NLGN1: variants seen among roughly 807,000 people sequenced by gnomAD.
NLGN1 encodes the protein neuroligin-1.
In NLGN1, 12 loss-of-function variants were observed where a neutral mutation model predicts 65.5. The observed-to-expected ratio is 0.18, with a 90% CI of 0.12 to 0.30. NLGN1 has a LOEUF of 0.30. NLGN1 is among the 10% of genes least tolerant of loss of function. The pLI, the probability that NLGN1 is intolerant of heterozygous loss-of-function variation, is 1.00. For missense variants in NLGN1, 750 were observed against 1,007.1 expected (o/e 0.74, Z 3.46); for synonymous variants, 350 against 359.5 (o/e 0.97, Z 0.30).
chr3:173,897,133 CTGATCCCA>C (rs964805191), intron 4 of NLGN1, among the ~76,000 whole-genome samples: 4 of 152,186 alleles, frequency 2.6e-5, no homozygotes, highest in African/African-American at 7.2e-5. Flanking sequence ...CTCTATTCCA[CTGATCCCA>C]TGATTGTTTA....
intron 3 of NLGN1, among the ~76,000 whole-genome samples, chr3:173,706,709 G>A (rs907044434): frequency 6.6e-6 from 1 of 152,126 alleles, no homozygotes; most frequent in Non-Finnish European, 1.5e-5. Flanking sequence ...TACAGATATC[G>A]ATCTACAGAT....
intron 2 of NLGN1, among the ~76,000 whole-genome samples, chr3:173,539,799 T>TATATAC (rs1553879654): frequency 9.1e-5 from 4 of 43,910 alleles, no homozygotes; most frequent in Non-Finnish European, 1.3e-4. Context: ...CATATATACA[T>TATATAC]ATATATACAT....
intron 3 of NLGN1, among the ~76,000 whole-genome samples, chr3:173,799,028 A>G (rs925120522): frequency 9.2e-5 from 14 of 152,000 alleles, no homozygotes; most frequent in Admixed American, 4.6e-4. Flanking sequence ...ATGTTTAACA[A>G]TCTTTCCCTA....
In NLGN1 at chr3:173,801,168, C is replaced by T. The variant is rs577189776; in HGVS notation, c.494-6512C>T. Among the ~76,000 whole-genome samples the T allele has an allele frequency of 3.9e-5, 6 of 152,026 alleles. No homozygotes were observed. In the South Asian group the frequency reaches 1.2e-3, roughly 32 times the overall value. ...TACTTCATTAATATCCAAATTGTTTCTCCTTACAACTTTCATTTGACATAC... is the reference window on the plus strand; with the variant it reads ...TACTTCATTAATATCCAAATTGTTTTTCCTTACAACTTTCATTTGACATAC... On this transcript the variant is annotated intron_variant, in intron 3 of 6. Coordinates refer to ENST00000457714, the Ensembl canonical transcript of NLGN1.
chr3:174,002,918 G>A (rs928565137), intron 4 of NLGN1, among the ~76,000 whole-genome samples: 6 of 152,180 alleles, frequency 3.9e-5, no homozygotes, highest in African/African-American at 1.4e-4. Context: ...GGATAAAGTC[G>A]TGAGTAGTCC....
At chr3:174,003,852 AT>A in intron 4 of NLGN1, among the ~76,000 whole-genome samples, 1 of 152,286 alleles carries the variant, frequency 6.6e-6, no homozygotes, top group East Asian at 1.9e-4. Context: ...CAAAACTCAG[AT>A]TTCAGAAGTA....
intron 4 of NLGN1, among the ~76,000 whole-genome samples, chr3:174,014,768 T>G (rs1482817120): frequency 6.6e-6 from 1 of 152,180 alleles, no homozygotes; most frequent in Non-Finnish European, 1.5e-5. Flanking sequence ...GACCTTCTGT[T>G]TGCTTATCTG....
At chr3:173,493,051 G>A (rs1168056785) in intron 2 of NLGN1, among the ~76,000 whole-genome samples, 1 of 151,722 alleles carries the variant, frequency 6.6e-6, no homozygotes, top group East Asian at 1.9e-4. Flanking sequence ...AGTGAGAGCT[G>A]CACTTATTGA....
At chr3:173,454,808 T>C (rs1027941296) in intron 2 of NLGN1, among the ~76,000 whole-genome samples, 5 of 152,230 alleles carry the variant, frequency 3.3e-5, no homozygotes, top group Non-Finnish European at 7.3e-5. Flanking sequence ...ACACATTAGT[T>C]TGCTTTTTTA....
At chr3:173,862,377 G>A (rs1729289872) in intron 4 of NLGN1, among the ~76,000 whole-genome samples, 1 of 150,062 alleles carries the variant, frequency 6.7e-6, no homozygotes, top group Admixed American at 6.6e-5. Flanking sequence ...GTAGTGGCGG[G>A]CGCCTGTAGT....
intron 3 of NLGN1, among the ~76,000 whole-genome samples, chr3:173,666,992 CATAAA>C (rs1313357054): frequency 6.6e-6 from 1 of 152,042 alleles, no homozygotes; most frequent in African/African-American, 2.4e-5. Context: ...ACTTCTTGGA[CATAAA>C]ATATAAAAAG....
chr3:173,579,862 A>G (rs979402444), intron 2 of NLGN1, among the ~76,000 whole-genome samples: 14 of 152,196 alleles, frequency 9.2e-5, no homozygotes, highest in Non-Finnish European at 1.8e-4. Flanking sequence ...TGAAGATGGT[A>G]GAGGATTTTT....
At chr3:173,855,267 A>G (rs760622873) in intron 4 of NLGN1, among the ~76,000 whole-genome samples, 2 of 152,126 alleles carry the variant, frequency 1.3e-5, no homozygotes, top group Non-Finnish European at 1.5e-5. Context: ...TTAAAGGATA[A>G]TTACAATTAA....
rs34726754 is a variant in NLGN1, at chr3:173,525,230, T to TTTGTTG, written c.-320-79021_-320-79016dup. 4.1e-4 allele frequency among the ~76,000 whole-genome samples: 61 copies of TTTGTTG among 150,346 alleles called. 1 individual carries two copies. Among genetic ancestry groups the TTTGTTG allele is most frequent in the African/African-American group, 1.2e-3 (50 of 41,050 alleles). On this transcript the variant is annotated intron_variant, in intron 2 of 6. Coordinates refer to ENST00000457714, the Ensembl canonical transcript of NLGN1. ...AATCTGTCTGGTCCTGGGTGGGTTT[T>TTTGTTG]TTGTTGTTGTTGTTGTTGTTGTTGT...
chr3:173,455,640 TA>T (rs200874902), intron 2 of NLGN1, among the ~76,000 whole-genome samples: 4,223 of 151,798 alleles, frequency 0.028, 207 homozygotes, highest in African/African-American at 0.094. Flanking sequence ...TTTCAATTTA[TA>T]AAAAAAATGC....
chr3:173,446,881 C>T (rs1720458116), intron 2 of NLGN1, among the ~76,000 whole-genome samples: 2 of 152,134 alleles, frequency 1.3e-5, no homozygotes, highest in Non-Finnish European at 2.9e-5. Flanking sequence ...AGTGTCTGTT[C>T]ACATCCTTTG....
chr3:174,115,561 C>T (rs957220448), intron 4 of NLGN1, among the ~76,000 whole-genome samples: 1 of 152,082 alleles, frequency 6.6e-6, no homozygotes, highest in Non-Finnish European at 1.5e-5. Context: ...GTCCTTCCAT[C>T]CAGAGAATGT....
rs137932274 is a variant in NLGN1, at chr3:173,880,428, TTG to T, written c.646+72600_646+72601del. Among the ~76,000 whole-genome samples the T allele has an allele frequency of 9.1e-4, 138 of 151,862 alleles. 2 individuals carry two copies. In the East Asian group the frequency reaches 0.024, roughly 26 times the overall value. ...AATATACAGGCATAGCTCAGATATA[TTG>T]TGTTTCAGTTCCAGACTACTGCAAT... On this transcript the variant is annotated intron_variant, in intron 4 of 6. Transcript: ENST00000457714.
intron 3 of NLGN1, among the ~76,000 whole-genome samples, chr3:173,744,833 T>TG (rs10645666): frequency 7.1e-6 from 1 of 140,512 alleles, no homozygotes; most frequent in Non-Finnish European, 1.5e-5. Context: ...TTTATTTATT[T>TG]TTTTTTTGAC....
Sources: gnomAD v4.1 joint callset for allele counts (sites outside exome capture counted in the v4.1 genomes callset) on GRCh38, gnomAD v4.1.1 for gene constraint, MANE v1.5 for transcripts, NCBI Gene and HGNC (gene_info 2026-07-23, HGNC 2026-07-21) for gene names.